DCAF8L2: variants seen among roughly 807,000 people sequenced by gnomAD.
DCAF8L2 encodes the protein DDB1- and CUL4-associated factor 8-like protein 2.
For synonymous variants in DCAF8L2, 200 were observed against 190.9 expected (o/e 1.05, Z -0.39); for missense variants, 430 against 490.7 (o/e 0.88, Z 1.17).
the DCAF8L2 span, among the ~76,000 whole-genome samples, chrX:27,545,673 A>C: frequency 9.0e-6 from 1 of 111,499 alleles, no homozygotes; most frequent in Non-Finnish European, 1.9e-5. Flanking sequence ...CTGTTTTGAC[A>C]CTGCTATAAA....
At chrX:27,524,746 T>A in the DCAF8L2 span, among the ~76,000 whole-genome samples, 3 of 111,807 alleles carry the variant, frequency 2.7e-5, no homozygotes, top group Non-Finnish European at 3.8e-5. Context: ...TTCTCATTGG[T>A]TTCAGAGAAC....
At chrX:27,619,664 T>A (rs1927660178) in intron 1 of DCAF8L2, among the ~76,000 whole-genome samples, 1 of 111,709 alleles carries the variant, frequency 9.0e-6, no homozygotes, top group Non-Finnish European at 1.9e-5. Flanking sequence ...CTACATGTTA[T>A]CTACAAAATG....
chrX:27,522,965 A>T, the DCAF8L2 span, among the ~76,000 whole-genome samples: 1 of 111,759 alleles, frequency 8.9e-6, no homozygotes, highest in Admixed American at 9.6e-5. Flanking sequence ...TAGAAGAACA[A>T]GGCTTTTCAG....
At chrX:27,700,979 C>T (rs1406363193) in intron 3 of DCAF8L2, among the ~76,000 whole-genome samples, 3 of 111,127 alleles carry the variant, frequency 2.7e-5, no homozygotes, top group Non-Finnish European at 1.9e-5. Context: ...CAAATAAAAT[C>T]ACCTTCCTCT....
intron 2 of DCAF8L2, chrX:27,632,748 T>C (rs1928343316): frequency 8.9e-6 from 1 of 111,941 alleles, no homozygotes; most frequent in Non-Finnish European, 1.9e-5. Context: ...GTTCTCAGCA[T>C]AGCCAGCTCT....
At chrX:27,599,235 A>G (rs1310071359) in intron 1 of DCAF8L2, among the ~76,000 whole-genome samples, 1 of 111,376 alleles carries the variant, frequency 9.0e-6, no homozygotes, top group Non-Finnish European at 1.9e-5. Flanking sequence ...ATGAACCTGG[A>G]GGATACTATG....
intron 3 of DCAF8L2, among the ~76,000 whole-genome samples, chrX:27,714,809 T>A (rs762740597): frequency 1.8e-5 from 2 of 112,401 alleles, no homozygotes; most frequent in East Asian, 5.6e-4. Context: ...CTGGATTCTA[T>A]CAGGTTTGAG....
chrX:27,525,638 A>G, the DCAF8L2 span, among the ~76,000 whole-genome samples: 1 of 111,491 alleles, frequency 9.0e-6, no homozygotes, highest in African/African-American at 3.3e-5. Context: ...GGTCTTTACA[A>G]TTTGGCATGC....
At chrX:27,611,625 G>A (rs1927182241) in intron 1 of DCAF8L2, among the ~76,000 whole-genome samples, 1 of 108,443 alleles carries the variant, frequency 9.2e-6, no homozygotes, top group Non-Finnish European at 1.9e-5. Context: ...CCCGGTGTGT[G>A]ATGTTCCCTG....
At chrX:27,533,232 A>AAGAAAGAG in the DCAF8L2 span, among the ~76,000 whole-genome samples, 1 of 36,964 alleles carries the variant, frequency 2.7e-5, no homozygotes, top group Non-Finnish European at 6.3e-5. Context: ...GAAAGAAAGA[A>AAGAAAGAG]AGAGAAAGAA....
At chrX:27,744,101 C>G (rs926857337) in intron 4 of DCAF8L2, among the ~76,000 whole-genome samples, 1 of 111,236 alleles carries the variant, frequency 9.0e-6, no homozygotes, top group African/African-American at 3.3e-5. Context: ...ACCAATGCTT[C>G]CTACTACTTG....
At chrX:27,621,284 A>G (rs1354196399) in intron 1 of DCAF8L2, among the ~76,000 whole-genome samples, 3 of 111,903 alleles carry the variant, frequency 2.7e-5, no homozygotes, top group Non-Finnish European at 3.8e-5. Flanking sequence ...CAATGTTATT[A>G]AGGTATTTAA....
chrX:27,469,046 C>T, the DCAF8L2 span, among the ~76,000 whole-genome samples: 2 of 112,073 alleles, frequency 1.8e-5, no homozygotes, highest in East Asian at 5.6e-4. Flanking sequence ...CAGTTTCTGT[C>T]AGCATTAGTA....
At chrX:27,677,167 A>T (rs1054057322) in intron 2 of DCAF8L2, 9 of 111,545 alleles carry the variant, frequency 8.1e-5, no homozygotes, top group Admixed American at 6.7e-4. Flanking sequence ...CTCTTCTCTG[A>T]TAAAGGCGGT....
At chrX:27,593,402 G>A (rs1303184674) in intron 1 of DCAF8L2, among the ~76,000 whole-genome samples, 5 of 112,352 alleles carry the variant, frequency 4.5e-5, no homozygotes, top group Admixed American at 3.8e-4. Flanking sequence ...GTGTCAGGAT[G>A]TCCTTCCTTT....
chrX:27,557,380 C>T, the DCAF8L2 span, among the ~76,000 whole-genome samples: 5 of 111,581 alleles, frequency 4.5e-5, no homozygotes, highest in South Asian at 1.9e-3. Context: ...AGGTTAATTT[C>T]GTCAAAATAA....
chrX:27,605,825 A>C (rs142159298), intron 1 of DCAF8L2, among the ~76,000 whole-genome samples: 1 of 111,841 alleles, frequency 8.9e-6, no homozygotes, highest in Non-Finnish European at 1.9e-5. Flanking sequence ...AAAAACAAGT[A>C]GTGAAATAAA....
chrX:27,633,412 C>T (rs1208873069), intron 2 of DCAF8L2: 4 of 111,896 alleles, frequency 3.6e-5, no homozygotes, highest in Non-Finnish European at 7.5e-5. Flanking sequence ...AAGCAATTTC[C>T]AGTCAAACTA....
intron 3 of DCAF8L2, among the ~76,000 whole-genome samples, chrX:27,687,006 T>C (rs1806462542): frequency 8.9e-6 from 1 of 111,928 alleles, no homozygotes; most frequent in South Asian, 3.7e-4. Flanking sequence ...CAGGCAGTAA[T>C]GCTCCCTGGC....
Sources: allele counts gnomAD v4.1 joint callset (sites outside exome capture counted in the v4.1 genomes callset), GRCh38; gene constraint gnomAD v4.1.1; transcripts MANE v1.5; gene names NCBI Gene and HGNC (gene_info 2026-07-23, HGNC 2026-07-21).